ALDH3B1: variants seen among roughly 807,000 people sequenced by gnomAD.
ALDH3B1 encodes the protein aldehyde dehydrogenase 3 family member B1, also known as aldehyde dehydrogenase family 3 member B1.
A neutral mutation model predicts 46.2 loss-of-function variants in ALDH3B1; 37 were observed. The observed-to-expected ratio is 0.80, with a 90% CI of 0.62 to 1.05. The LOEUF (loss-of-function observed/expected upper bound fraction) is 1.05, where lower values mean the gene tolerates loss of function less well. ALDH3B1 is among the 50% of genes least tolerant of loss of function. The probability of loss-of-function intolerance (pLI) is 0.00; values close to 1 mark genes in which losing one functional copy is unlikely to be tolerated. For missense variants in ALDH3B1, 603 were observed against 665.5 expected, an observed-to-expected ratio of 0.91 and a Z score of 1.03; for synonymous variants, 283 against 281.0, an observed-to-expected ratio of 1.01 and a Z score of -0.07.
At chr11:68,022,527 CCTCTACCCCCA>C in intron 7 of ALDH3B1, 57 bp from the exon 8 acceptor site, 1 of 1,454,744 alleles carries the variant, frequency 6.9e-7, no homozygotes, top group Non-Finnish European at 9.0e-7. Flanking sequence ...CCTGTCCCCA[CCTCTACCCCCA>C]CCCTGGGGGC....
Position 68,028,466 on chromosome 11 carries a change from C to G in ALDH3B1, c.*527C>G, listed in dbSNP as rs1159224947. 4.2e-6 allele frequency: 1 copy of G among 239,154 alleles called. No individual in the cohort carries two copies. Among genetic ancestry groups the G allele is most frequent in the Non-Finnish European group, 8.6e-6 (1 of 116,752 alleles). 14.8% of individuals were successfully genotyped at this position (239,154 alleles called of 1,614,324 possible). On this transcript the variant is annotated 3_prime_UTR_variant, in exon 10 of 10. Transcript: ENST00000342456. ...CCGAGGCAGGCGGATCACCTGAAAT[C>G]AGGAGTTCAAGATCAGCCTGGCTAA...
chr11:68,021,633 C>T lies in ALDH3B1; in HGVS notation c.711C>T (p.Tyr237=). The change falls in exon 7 of 10, where the codon TAC becomes TAT. Residue 237 remains tyrosine (Y), a synonymous_variant. Coordinates refer to ENST00000342456, the MANE Select transcript of ALDH3B1 (RefSeq NM_000694.4). ...CCAACCGCGTGGCCTGGTTCCGCTA[C>T]TTCAACGCCGGCCAGACCTGCGTGG... The part of the protein sequence containing the change: ...TVANRVAWFR[Y]FNAGQTCVAP... 1.2e-6 allele frequency: 2 copies of T among 1,614,104 alleles called. No homozygotes were observed. The highest frequency in any genetic ancestry group is 1.1e-5 in the South Asian group (1 of 91,078).
Position 68,018,527 on chromosome 11 carries a change from T to G in ALDH3B1, c.163T>G (p.Ser55Ala), listed in dbSNP as rs1370295354. ...CCCTGACCCCACCCACTTCCTGCAG[T>G]CAGCCTTCGAGTCGGAGGTGTCTGA... Reference protein sequence around the residue: ...HDALAQDLHKSAFESEVSEVA... With the variant: ...HDALAQDLHKAAFESEVSEVA... The change falls in exon 3 of 10, where the codon TCA becomes GCA. Residue 55 changes from serine to alanine, a missense_variant and splice_region_variant. Transcript: ENST00000342456. 6.4e-7 allele frequency: 1 copy of G among 1,566,456 alleles called. No individual in the cohort carries two copies. Among genetic ancestry groups the G allele is most frequent in the Non-Finnish European group, 8.7e-7 (1 of 1,155,562 alleles).
intron 6 of ALDH3B1, among the ~76,000 whole-genome samples, chr11:68,020,550 A>G (rs1294540309): frequency 1.3e-5 from 2 of 152,124 alleles, no homozygotes; most frequent in African/African-American, 4.8e-5. Flanking sequence ...TTTTTGAGCT[A>G]GGGAGGGGCA....
At chr11:68,011,159 G>A (rs1002947033) in intron 1 of ALDH3B1, among the ~76,000 whole-genome samples, 4 of 152,236 alleles carry the variant, frequency 2.6e-5, no homozygotes, top group Non-Finnish European at 4.4e-5. Context: ...TTCTATTCAT[G>A]ATTCGTGAAT....
intron 9 of ALDH3B1, among the ~76,000 whole-genome samples, chr11:68,027,393 C>T (rs1857653002): frequency 6.6e-6 from 1 of 152,192 alleles, no homozygotes; most frequent in African/African-American, 2.4e-5. Context: ...ATCCCCACCA[C>T]AACCTTAGGA....
At position 68,028,685 on chromosome 11, in the gene ALDH3B1, A is replaced by G. The variant is rs910506811; in HGVS notation, c.*746A>G. Reference sequence around the variant, plus strand: ...GAAGGAGGCTCTGCCTTAAAAAAAAAAAAAAAAAAAACCTCCTGGGACTGT... The same window carrying G: ...GAAGGAGGCTCTGCCTTAAAAAAAAGAAAAAAAAAAACCTCCTGGGACTGT... On this transcript the variant is annotated 3_prime_UTR_variant, in exon 10 of 10. Transcript: ENST00000342456. 1 of 152,200 alleles carries G rather than the reference A, an allele frequency of 6.6e-6. No homozygotes were observed. Among genetic ancestry groups the G allele is most frequent in the African/African-American group, 2.4e-5 (1 of 41,320 alleles). 9.4% of individuals were successfully genotyped at this position (152,200 alleles called of 1,614,324 possible).
chr11:68,018,736 G>A, intron 3 of ALDH3B1, 37 bp from the exon 4 acceptor site: 2 of 1,550,182 alleles, frequency 1.3e-6, no homozygotes, highest in East Asian at 2.4e-5. Context: ...GGGCCGGGGT[G>A]CTGAGCACTT....
At chr11:68,013,746 G>C (rs1038212232) in intron 1 of ALDH3B1, among the ~76,000 whole-genome samples, 1 of 152,256 alleles carries the variant, frequency 6.6e-6, no homozygotes, top group Non-Finnish European at 1.5e-5. Flanking sequence ...AGAGCCCGGA[G>C]ACAGGCCTGA....
chr11:68,020,736 G>C (rs899845671), intron 6 of ALDH3B1, among the ~76,000 whole-genome samples: 21 of 152,224 alleles, frequency 1.4e-4, no homozygotes, highest in African/African-American at 4.6e-4. Context: ...GCAGGGGTGA[G>C]AGTAGAGAAG....
chr11:68,011,614 G>A (rs1371940236), intron 1 of ALDH3B1, among the ~76,000 whole-genome samples: 1 of 152,204 alleles, frequency 6.6e-6, no homozygotes, highest in African/African-American at 2.4e-5. Flanking sequence ...TTGGGCCTGT[G>A]GGTCCCCTGA....
intron 2 of ALDH3B1, chr11:68,017,192 G>A (rs948717034): frequency 6.6e-6 from 1 of 152,382 alleles, no homozygotes; most frequent in Non-Finnish European, 1.5e-5. Flanking sequence ...TCAGGTCCCA[G>A]GTGACCTAGG....
chr11:68,021,895 A>G, intron 7 of ALDH3B1, 24 bp downstream of exon 7: 1 of 1,567,966 alleles, frequency 6.4e-7, no homozygotes, highest in Non-Finnish European at 8.7e-7. Flanking sequence ...CCCCTACCAC[A>G]GCCCACCTGG....
chr11:68,019,888 C>A, intron 6 of ALDH3B1, 92 bp downstream of exon 6: 1 of 1,317,222 alleles, frequency 7.6e-7, no homozygotes, highest in South Asian at 1.3e-5. Context: ...CACAGGGAGA[C>A]TGAATTCTCC....
chr11:68,020,416 G>A (rs1857462990), intron 6 of ALDH3B1, among the ~76,000 whole-genome samples: 1 of 152,170 alleles, frequency 6.6e-6, no homozygotes, highest in African/African-American at 2.4e-5. Flanking sequence ...TGTATTTTTA[G>A]TAAAGACAGG....
At chr11:68,020,565 G>A (rs959426477) in intron 6 of ALDH3B1, among the ~76,000 whole-genome samples, 3 of 152,206 alleles carry the variant, frequency 2.0e-5, no homozygotes, top group Non-Finnish European at 2.9e-5. Context: ...GGGGCAGAGG[G>A]AGCGAGAGGA....
At position 68,015,635 on chromosome 11, in the gene ALDH3B1, T is replaced by G. The variant is rs531912605; in HGVS notation, c.162+176T>G. 5.0e-4 allele frequency: 426 copies of G among 844,328 alleles called. 3 individuals carry two copies. In the South Asian group the frequency reaches 5.9e-3, roughly 12 times the overall value. 52.3% of individuals were successfully genotyped at this position (844,328 alleles called of 1,614,324 possible). A position where few individuals can be genotyped will look rare whatever the true frequency, so the allele number is the denominator to read the frequency against. Reference sequence around the variant, plus strand: ...ATCCAGTCACTTATTTCTGTATTCATGCAGCAACTATTTGCTGAGCACCTA... The same window carrying G: ...ATCCAGTCACTTATTTCTGTATTCAGGCAGCAACTATTTGCTGAGCACCTA... On this transcript the variant is annotated intron_variant, in intron 2 of 9. Transcript: ENST00000342456.
intron 1 of ALDH3B1, among the ~76,000 whole-genome samples, chr11:68,011,281 G>A (rs573624247): frequency 6.6e-5 from 10 of 152,276 alleles, no homozygotes; most frequent in South Asian, 2.1e-4. Context: ...ACACCAAACC[G>A]CCTAATACCG....
At chr11:68,009,800 T>G (rs1857193680), upstream of ALDH3B1, among the ~76,000 whole-genome samples, 1 of 152,150 alleles carries the variant, frequency 6.6e-6, no homozygotes. Context: ...CTTTTTGCCT[T>G]CTCTCTTTCC....
Sources: gnomAD v4.1 joint callset for allele counts (sites outside exome capture counted in the v4.1 genomes callset) on GRCh38, gnomAD v4.1.1 for gene constraint, MANE v1.5 for transcripts, NCBI Gene and HGNC (gene_info 2026-07-23, HGNC 2026-07-21) for gene names.